Variants in SOX5 observed in about 807,000 individuals in gnomAD.
SOX5 encodes the protein SRY-box transcription factor 5, also known as transcription factor SOX-5.
Under a neutral mutation model 92.0 loss-of-function variants are expected in SOX5, and 9 were observed. The ratio of observed to expected loss-of-function variants is 0.10; its 90% CI spans 0.06 to 0.17. The LOEUF (loss-of-function observed/expected upper bound fraction) is 0.17, where lower values mean the gene tolerates loss of function less well. SOX5 is among the 10% of genes least tolerant of loss of function. The pLI is 1.00. For synonymous variants in SOX5, 344 were observed against 336.3 expected, an observed-to-expected ratio of 1.02 and a Z score of -0.25; for missense variants, 642 against 944.5, an observed-to-expected ratio of 0.68 and a Z score of 4.20.
chr12:23,735,025 A>G (rs2093536338), intron 5 of SOX5, among the ~76,000 whole-genome samples: 1 of 152,172 alleles, frequency 6.6e-6, no homozygotes, highest in South Asian at 2.1e-4. Flanking sequence ...TGTTTTTCGA[A>G]CATCCCTCTT....
At chr12:24,228,470 G>A (rs577791409) in intron 3 of SOX5, among the ~76,000 whole-genome samples, 110 of 152,292 alleles carry the variant, frequency 7.2e-4, no homozygotes, top group Non-Finnish European at 1.5e-3. Flanking sequence ...ATGGCATGAA[G>A]TGAATCATTT....
At chr12:24,006,990 G>A (rs950188702) in intron 4 of SOX5, among the ~76,000 whole-genome samples, 10 of 150,926 alleles carry the variant, frequency 6.6e-5, no homozygotes, top group African/African-American at 2.2e-4. Context: ...AAAATTGGCC[G>A]GGCATGATGA....
chr12:24,279,694 T>G (rs1223832425), intron 2 of SOX5, among the ~76,000 whole-genome samples: 1 of 152,050 alleles, frequency 6.6e-6, no homozygotes, highest in Non-Finnish European at 1.5e-5. Flanking sequence ...ACTCTCAAAA[T>G]AAATAAATAC....
chr12:23,770,703 T>G (rs1455525512), intron 3 of SOX5, among the ~76,000 whole-genome samples: 1 of 152,216 alleles, frequency 6.6e-6, no homozygotes, highest in Non-Finnish European at 1.5e-5. Context: ...AAGCAGCACC[T>G]AACTGACAAA....
intron 4 of SOX5, among the ~76,000 whole-genome samples, chr12:24,017,755 T>C (rs1260557954): frequency 6.6e-6 from 1 of 152,178 alleles, no homozygotes; most frequent in Non-Finnish European, 1.5e-5. Flanking sequence ...CTCATTTTCA[T>C]AGCTGTCTCC....
At chr12:24,228,955 T>G (rs1009374169) in intron 3 of SOX5, among the ~76,000 whole-genome samples, 4 of 152,184 alleles carry the variant, frequency 2.6e-5, no homozygotes, top group African/African-American at 9.7e-5. Flanking sequence ...CGAGCCCATA[T>G]AATTAGTTTA....
At chr12:23,807,830 T>C (rs1201042405) in intron 3 of SOX5, among the ~76,000 whole-genome samples, 1 of 151,828 alleles carries the variant, frequency 6.6e-6, no homozygotes, top group East Asian at 1.9e-4. Flanking sequence ...GTATTTTTAG[T>C]AGAGATGGGG....
intron 2 of SOX5, among the ~76,000 whole-genome samples, chr12:24,364,511 C>CATATAT (rs58135899): frequency 0.067 from 7,357 of 110,130 alleles, 302 homozygotes; most frequent in African/African-American, 0.074. Flanking sequence ...AACATTTTTT[C>CATATAT]ATATATATAT....
At chr12:24,309,809 A>G (rs1452488210) in intron 2 of SOX5, among the ~76,000 whole-genome samples, 1 of 152,212 alleles carries the variant, frequency 6.6e-6, no homozygotes, top group African/African-American at 2.4e-5. Flanking sequence ...CACATTACAT[A>G]AAGATTTCCT....
chr12:24,492,513 G>A (rs1439859269), intron 1 of SOX5, among the ~76,000 whole-genome samples: 1 of 152,126 alleles, frequency 6.6e-6, no homozygotes, highest in Admixed American at 6.6e-5. Context: ...TACCAATAAT[G>A]ATCCTGAAAT....
At chr12:24,366,426 T>C (rs1956178827) in intron 2 of SOX5, among the ~76,000 whole-genome samples, 1 of 152,152 alleles carries the variant, frequency 6.6e-6, no homozygotes, top group Non-Finnish European at 1.5e-5. Flanking sequence ...TCTTCTCTTT[T>C]TCAGCTTGAA....
chr12:24,396,386 ATGT>A (rs1271758322), intron 1 of SOX5, among the ~76,000 whole-genome samples: 3 of 152,190 alleles, frequency 2.0e-5, no homozygotes, highest in Admixed American at 6.5e-5. Context: ...ACAGAAACTG[ATGT>A]TGTTGTCACT....
At chr12:23,883,689 C>A (rs1333559697) in intron 2 of SOX5, among the ~76,000 whole-genome samples, 1 of 152,096 alleles carries the variant, frequency 6.6e-6, no homozygotes, top group Non-Finnish European at 1.5e-5. Context: ...TAAGGGTGAA[C>A]TTAGGCTCTA....
chr12:23,642,270 T>C (rs980027511), intron 7 of SOX5, among the ~76,000 whole-genome samples: 12 of 152,166 alleles, frequency 7.9e-5, no homozygotes, highest in African/African-American at 2.7e-4. Context: ...GATCTACCTC[T>C]CTGGATCTGG....
intron 3 of SOX5, among the ~76,000 whole-genome samples, chr12:24,250,112 A>T (rs1939732512): frequency 6.6e-6 from 1 of 152,230 alleles, no homozygotes; most frequent in Admixed American, 6.5e-5. Flanking sequence ...ATCCATCTAA[A>T]CTGCGTATTC....
chr12:24,171,613 T>C (rs999824816), intron 4 of SOX5, among the ~76,000 whole-genome samples: 2 of 152,280 alleles, frequency 1.3e-5, no homozygotes, highest in East Asian at 1.9e-4. Context: ...GGCTTTCATA[T>C]GCGCTTTCTG....
chr12:23,848,150 T>A (rs1178761984), intron 2 of SOX5, among the ~76,000 whole-genome samples: 1 of 152,160 alleles, frequency 6.6e-6, no homozygotes, highest in South Asian at 2.1e-4. Context: ...CTTTGAACAT[T>A]TCTGTCTGTA....
intron 4 of SOX5, among the ~76,000 whole-genome samples, chr12:24,054,152 G>A (rs1238883055): frequency 6.6e-6 from 1 of 152,156 alleles, no homozygotes; most frequent in Non-Finnish European, 1.5e-5. Context: ...CTAGAGCAGC[G>A]GATATCAAAC....
At chr12:24,433,644 C>A (rs1938816521) in intron 1 of SOX5, among the ~76,000 whole-genome samples, 1 of 152,202 alleles carries the variant, frequency 6.6e-6, no homozygotes, top group Admixed American at 6.5e-5. Context: ...AACACAGCAG[C>A]ACTCCTCATC....
Sources: allele counts gnomAD v4.1 joint callset (sites outside exome capture counted in the v4.1 genomes callset), GRCh38; gene constraint gnomAD v4.1.1; transcripts MANE v1.5; gene names NCBI Gene and HGNC (gene_info 2026-07-23, HGNC 2026-07-21).